Variants in SCFD2 observed in about 807,000 individuals in gnomAD.
The protein encoded by SCFD2 is sec1 family domain containing 2.
In SCFD2, 54 loss-of-function variants were observed where a neutral mutation model predicts 58.9. The ratio of observed to expected loss-of-function variants is 0.92; its 90% CI spans 0.74 to 1.15. SCFD2 has a LOEUF of 1.15. SCFD2 is among the 50% of genes most tolerant of loss of function. The pLI, the probability that SCFD2 is intolerant of heterozygous loss-of-function variation, is 0.00. For missense variants in SCFD2, 805 were observed against 836.6 expected (o/e 0.96, Z 0.47); for synonymous variants, 321 against 335.9 (o/e 0.96, Z 0.49).
chr4:53,337,211 G>A (rs1733712706), intron 2 of SCFD2, among the ~76,000 whole-genome samples: 1 of 152,178 alleles, frequency 6.6e-6, no homozygotes, highest in African/African-American at 2.4e-5. Flanking sequence ...CTTCTTGTGT[G>A]TTCACATGGT....
At chr4:53,040,168 C>T (rs1246877714) in intron 5 of SCFD2, among the ~76,000 whole-genome samples, 1 of 152,120 alleles carries the variant, frequency 6.6e-6, no homozygotes, top group East Asian at 1.9e-4. Context: ...AATTCTCCCT[C>T]AGACCTCCTG....
chr4:53,185,065 A>G (rs150014645), intron 4 of SCFD2, among the ~76,000 whole-genome samples: 2 of 152,288 alleles, frequency 1.3e-5, no homozygotes, highest in East Asian at 3.9e-4. Flanking sequence ...TTATAGACTG[A>G]TAAGAGAGAA....
intron 4 of SCFD2, among the ~76,000 whole-genome samples, chr4:53,152,371 T>TA (rs950934414): frequency 6.6e-6 from 1 of 151,430 alleles, no homozygotes; most frequent in Non-Finnish European, 1.5e-5. Flanking sequence ...AAAAAAAAAT[T>TA]AAAAAAAGAA....
At chr4:53,171,956 ATTATTTATTTAT>A in intron 4 of SCFD2, among the ~76,000 whole-genome samples, 1 of 149,510 alleles carries the variant, frequency 6.7e-6, no homozygotes, top group Non-Finnish European at 1.5e-5. Context: ...CATTGATTTG[ATTATTTATTTAT>A]TTATTTATTT....
intron 5 of SCFD2, among the ~76,000 whole-genome samples, chr4:53,030,333 A>G (rs1440191323): frequency 6.6e-6 from 1 of 152,210 alleles, no homozygotes; most frequent in African/African-American, 2.4e-5. Context: ...AATCCTGACA[A>G]TACTAAGTGC....
intron 4 of SCFD2, among the ~76,000 whole-genome samples, chr4:53,153,832 C>G (rs1230707044): frequency 6.6e-6 from 1 of 152,202 alleles, no homozygotes; most frequent in African/African-American, 2.4e-5. Flanking sequence ...AGCAACCATA[C>G]CACATCATGA....
At chr4:53,183,166 G>T (rs911638144) in intron 4 of SCFD2, among the ~76,000 whole-genome samples, 2 of 152,128 alleles carry the variant, frequency 1.3e-5, no homozygotes, top group Admixed American at 1.3e-4. Flanking sequence ...ATACCGAAAG[G>T]ATTATAAATC....
chr4:52,985,783 C>G (rs370836190), intron 5 of SCFD2, among the ~76,000 whole-genome samples: 1 of 111,086 alleles, frequency 9.0e-6, no homozygotes, highest in African/African-American at 3.3e-5. Context: ...TTTTGAAAGT[C>G]TCTCCAAATA....
At chr4:52,979,383 T>C (rs1314925201) in intron 5 of SCFD2, among the ~76,000 whole-genome samples, 1 of 152,128 alleles carries the variant, frequency 6.6e-6, no homozygotes, top group Non-Finnish European at 1.5e-5. Context: ...CACACTTACA[T>C]GCCCTGTGAT....
At chr4:52,986,432 CA>C (rs933607094) in intron 5 of SCFD2, among the ~76,000 whole-genome samples, 42 of 150,038 alleles carry the variant, frequency 2.8e-4, no homozygotes, top group African/African-American at 9.4e-4. Context: ...CTGGGTGTTA[CA>C]GGGGATGAAG....
At chr4:52,928,644 T>TCA (rs1282086598) in intron 5 of SCFD2, among the ~76,000 whole-genome samples, 2 of 152,138 alleles carry the variant, frequency 1.3e-5, no homozygotes, top group Non-Finnish European at 2.9e-5. Flanking sequence ...GTGCACTGAA[T>TCA]CCTGCTTGGT....
chr4:52,891,069 A>G (rs1359960731), intron 7 of SCFD2, among the ~76,000 whole-genome samples: 5 of 152,186 alleles, frequency 3.3e-5, no homozygotes, highest in Non-Finnish European at 7.3e-5. Flanking sequence ...AGGGGTACTA[A>G]GCCTAGGAAG....
intron 5 of SCFD2, among the ~76,000 whole-genome samples, chr4:53,096,659 T>C (rs1055779826): frequency 4.6e-5 from 7 of 152,360 alleles, no homozygotes; most frequent in Middle Eastern, 3.4e-3. Flanking sequence ...TCCCATTCTG[T>C]AGGTTGCCTG....
chr4:52,921,917 C>G (rs1719745748), intron 5 of SCFD2, among the ~76,000 whole-genome samples: 1 of 152,160 alleles, frequency 6.6e-6, no homozygotes, highest in Non-Finnish European at 1.5e-5. Context: ...AGAAATAATC[C>G]CATTTTCTCT....
At chr4:53,254,971 C>G (rs1692033037) in intron 4 of SCFD2, among the ~76,000 whole-genome samples, 1 of 150,520 alleles carries the variant, frequency 6.6e-6, no homozygotes, top group Admixed American at 6.6e-5. Flanking sequence ...CTCCTGGGTT[C>G]ACGCCATTCT....
intron 5 of SCFD2, among the ~76,000 whole-genome samples, chr4:52,934,505 C>T (rs1213814620): frequency 3.9e-5 from 6 of 152,152 alleles, no homozygotes; most frequent in African/African-American, 1.4e-4. Context: ...TTTCCAGAGG[C>T]AGGCTGTGGC....
chr4:53,321,446 G>A (rs1733023189), intron 2 of SCFD2, among the ~76,000 whole-genome samples: 1 of 152,060 alleles, frequency 6.6e-6, no homozygotes, highest in Non-Finnish European at 1.5e-5. Flanking sequence ...AGGGTGAAAT[G>A]TGAACGCGTA....
At chr4:53,189,641 C>T (rs1214478650) in intron 4 of SCFD2, among the ~76,000 whole-genome samples, 1 of 152,126 alleles carries the variant, frequency 6.6e-6, no homozygotes, top group Admixed American at 6.5e-5. Flanking sequence ...ACTTAATTAC[C>T]TCTCAAAGGC....
intron 5 of SCFD2, among the ~76,000 whole-genome samples, chr4:53,014,126 G>A (rs1250631599): frequency 6.6e-6 from 1 of 152,166 alleles, no homozygotes; most frequent in African/African-American, 2.4e-5. Flanking sequence ...GGGTGGACCT[G>A]TTTACATTAT....
Sources: gnomAD v4.1 joint callset for allele counts (sites outside exome capture counted in the v4.1 genomes callset) on GRCh38, gnomAD v4.1.1 for gene constraint, MANE v1.5 for transcripts, NCBI Gene and HGNC (gene_info 2026-07-23, HGNC 2026-07-21) for gene names.